Variants in CCDC148 observed in about 807,000 individuals in gnomAD.
The protein encoded by CCDC148 is coiled-coil domain-containing protein 148.
In CCDC148, 89 loss-of-function variants were observed where a neutral mutation model predicts 85.7. That is an observed-to-expected ratio of 1.04 (90% CI 0.87 to 1.24). The LOEUF (loss-of-function observed/expected upper bound fraction) is 1.24. CCDC148 is among the 50% of genes most tolerant of loss of function. The pLI, the probability that CCDC148 is intolerant of heterozygous loss-of-function variation, is 0.00. For synonymous variants in CCDC148, 230 were observed against 213.9 expected, an observed-to-expected ratio of 1.08 and a Z score of -0.66; for missense variants, 692 against 671.7, an observed-to-expected ratio of 1.03 and a Z score of -0.33.
At chr2:158,307,790 A>G (rs10203032) in intron 9 of CCDC148, among the ~76,000 whole-genome samples, 70,405 of 152,070 alleles carry the variant, frequency 0.46, 16,801 homozygotes, top group East Asian at 0.65. Flanking sequence ...TATATACTGT[A>G]TATATCATTT....
chr2:158,254,446 A>G (rs564760697), intron 9 of CCDC148, among the ~76,000 whole-genome samples: 4 of 151,766 alleles, frequency 2.6e-5, no homozygotes, highest in Non-Finnish European at 3.0e-5. Context: ...CAGATAAAAC[A>G]AATTTGACTA....
intron 1 of CCDC148, among the ~76,000 whole-genome samples, chr2:158,407,513 T>C (rs2105311565): frequency 6.6e-6 from 1 of 152,250 alleles, no homozygotes; most frequent in African/African-American, 2.4e-5. Flanking sequence ...TAAATTGACA[T>C]ATTAAGCAAA....
At chr2:158,308,942 G>A (rs1559059701) in intron 9 of CCDC148, among the ~76,000 whole-genome samples, 2 of 152,154 alleles carry the variant, frequency 1.3e-5, no homozygotes, top group Non-Finnish European at 1.5e-5. Context: ...GTCTGAGGAG[G>A]AGGAAAACCC....
chr2:158,304,271 A>G (rs1490508277), intron 9 of CCDC148, among the ~76,000 whole-genome samples: 2 of 152,116 alleles, frequency 1.3e-5, no homozygotes, highest in Non-Finnish European at 2.9e-5. Context: ...AAGAAAAGGA[A>G]AGCAAGTTCT....
At chr2:158,334,241 GTTTCTGCTCATGTA>G (rs1376445066) in intron 7 of CCDC148, among the ~76,000 whole-genome samples, 1 of 152,070 alleles carries the variant, frequency 6.6e-6, no homozygotes, top group Non-Finnish European at 1.5e-5. Flanking sequence ...TCCTGCAGAG[GTTTCTGCTCATGTA>G]TTTCTGCTCC....
Position 158,235,365 on chromosome 2 carries a change from G to A in CCDC148, c.1252-14652C>T, listed in dbSNP as rs528432222. On this transcript the variant is annotated intron_variant, in intron 10 of 13. Coordinates refer to ENST00000283233, the MANE Select transcript of CCDC148 (RefSeq NM_138803.4). ...ACATTTTTCTTATCACCTTGCATGT[G>A]GCAGCAGTTTCATTTTCTGTAGAAA... 3.2e-4 allele frequency among the ~76,000 whole-genome samples: 48 copies of A among 152,178 alleles called. No homozygotes were observed. The East Asian group carries it at 8.1e-3, about 26-fold the overall frequency.
intron 1 of CCDC148, among the ~76,000 whole-genome samples, chr2:158,441,653 T>C (rs1687937222): frequency 6.6e-6 from 1 of 152,206 alleles, no homozygotes; most frequent in African/African-American, 2.4e-5. Flanking sequence ...TTTGTTGACA[T>C]ATTCTTTTTG....
At chr2:158,260,305 TCAA>T (rs1689165104) in intron 9 of CCDC148, among the ~76,000 whole-genome samples, 1 of 152,022 alleles carries the variant, frequency 6.6e-6, no homozygotes, top group Admixed American at 6.6e-5. Flanking sequence ...TCAATAAAAT[TCAA>T]CATCCCTTCA....
At chr2:158,297,024 C>T (rs767222827) in intron 9 of CCDC148, among the ~76,000 whole-genome samples, 8 of 152,112 alleles carry the variant, frequency 5.3e-5, no homozygotes. Context: ...TCCCAACTGC[C>T]GTGACTATAG....
At chr2:158,198,472 T>C (rs2105279920) in intron 11 of CCDC148, among the ~76,000 whole-genome samples, 1 of 152,332 alleles carries the variant, frequency 6.6e-6, no homozygotes, top group Non-Finnish European at 1.5e-5. Flanking sequence ...AGTTGAAGAA[T>C]GGCCCAACTT....
chr2:158,422,204 T>C (rs939980375), intron 1 of CCDC148, among the ~76,000 whole-genome samples: 9 of 151,998 alleles, frequency 5.9e-5, no homozygotes, highest in Admixed American at 2.0e-4. Context: ...TTCCAAATAA[T>C]AGAAAAAGAG....
At chr2:158,358,286 C>T (rs1462895833) in intron 2 of CCDC148, among the ~76,000 whole-genome samples, 163 bp downstream of exon 2, 2 of 152,022 alleles carry the variant, frequency 1.3e-5, no homozygotes, top group East Asian at 1.9e-4. Flanking sequence ...TAATGGTGTC[C>T]GAGAGCATTC....
intron 9 of CCDC148, among the ~76,000 whole-genome samples, chr2:158,275,786 G>A (rs527857872): frequency 8.6e-5 from 13 of 151,550 alleles, no homozygotes; most frequent in Admixed American, 7.9e-4. Flanking sequence ...AAGAGTGTAA[G>A]TAGTCATGAT....
At chr2:158,267,374 G>A (rs1055778367) in intron 9 of CCDC148, among the ~76,000 whole-genome samples, 11 of 152,150 alleles carry the variant, frequency 7.2e-5, no homozygotes, top group Non-Finnish European at 1.5e-4. Context: ...GACCCAGGAC[G>A]AGACAAGGCA....
chr2:158,383,117 T>A (rs1341299062), intron 1 of CCDC148, among the ~76,000 whole-genome samples: 1 of 151,474 alleles, frequency 6.6e-6, no homozygotes, highest in East Asian at 2.0e-4. Flanking sequence ...CTGGCCAACA[T>A]GGTGAAACCC....
At chr2:158,359,522 C>T (rs1683832499) in intron 1 of CCDC148, among the ~76,000 whole-genome samples, 2 of 152,094 alleles carry the variant, frequency 1.3e-5, no homozygotes, top group South Asian at 4.1e-4. Context: ...TGGGTGCAGC[C>T]CACAGACAGC....
chr2:158,396,161 C>T (rs564833941), intron 1 of CCDC148, among the ~76,000 whole-genome samples: 1 of 152,136 alleles, frequency 6.6e-6, no homozygotes, highest in African/African-American at 2.4e-5. Flanking sequence ...TTATTTTAAC[C>T]CTCACAGTGT....
intron 7 of CCDC148, among the ~76,000 whole-genome samples, chr2:158,321,459 C>T (rs2105221114): frequency 6.6e-6 from 1 of 152,290 alleles, no homozygotes; most frequent in Admixed American, 6.5e-5. Context: ...CCTTGGCACA[C>T]AACCAGCTCA....
chr2:158,194,224 G>C (rs192903638), intron 11 of CCDC148, among the ~76,000 whole-genome samples: 1 of 152,060 alleles, frequency 6.6e-6, no homozygotes, highest in Admixed American at 6.6e-5. Context: ...AGCAAGATTT[G>C]AACTGATATT....
Sources: allele counts gnomAD v4.1 joint callset (sites outside exome capture counted in the v4.1 genomes callset), GRCh38; gene constraint gnomAD v4.1.1; transcripts MANE v1.5; gene names NCBI Gene and HGNC (gene_info 2026-07-23, HGNC 2026-07-21).